Variants in NKAIN2 observed in about 807,000 individuals in gnomAD.
NKAIN2 encodes sodium/potassium transporting ATPase interacting 2, also known as sodium/potassium-transporting ATPase subunit beta-1-interacting protein 2.
NKAIN2 carries 14 observed loss-of-function variants against 32.6 expected under a neutral mutation model. That is an observed-to-expected ratio of 0.43 (90% CI 0.28 to 0.67). The LOEUF (loss-of-function observed/expected upper bound fraction) is 0.67, where lower values mean the gene tolerates loss of function less well. NKAIN2 is among the 30% of genes least tolerant of loss of function. The probability of loss-of-function intolerance (pLI) is 0.17; values close to 1 mark genes in which losing one functional copy is unlikely to be tolerated. For synonymous variants in NKAIN2, 80 were observed against 87.2 expected (o/e 0.92, Z 0.46); for missense variants, 198 against 258.3 (o/e 0.77, Z 1.60).
chr6:124,205,359 T>C (rs1440232048), intron 1 of NKAIN2, among the ~76,000 whole-genome samples: 3 of 80,306 alleles, frequency 3.7e-5, no homozygotes, highest in Non-Finnish European at 9.2e-5. Context: ...TTTTCTTAGG[T>C]GCTAAAAAAA....
chr6:124,411,227 A>T (rs1223058467), intron 3 of NKAIN2, among the ~76,000 whole-genome samples: 3 of 152,078 alleles, frequency 2.0e-5, no homozygotes, highest in Non-Finnish European at 4.4e-5. Flanking sequence ...TGTCATTATG[A>T]TGTTAGCTGG....
At chr6:123,948,222 A>G (rs1035883303) in intron 1 of NKAIN2, among the ~76,000 whole-genome samples, 2 of 152,116 alleles carry the variant, frequency 1.3e-5, no homozygotes, top group African/African-American at 4.8e-5. Flanking sequence ...CAGTGCTGCA[A>G]TAAACATGGG....
intron 3 of NKAIN2, among the ~76,000 whole-genome samples, chr6:124,506,114 G>T (rs1778470319): frequency 6.6e-6 from 1 of 151,824 alleles, no homozygotes; most frequent in African/African-American, 2.4e-5. Context: ...CCGGGAGGAG[G>T]AGCTTGCAGT....
intron 1 of NKAIN2, among the ~76,000 whole-genome samples, chr6:124,014,511 G>C (rs1434609989): frequency 6.6e-6 from 1 of 151,828 alleles, no homozygotes; most frequent in Non-Finnish European, 1.5e-5. Flanking sequence ...AGTGTTTCCA[G>C]TATGTTCTTG....
At chr6:124,413,929 G>A (rs765752356) in intron 3 of NKAIN2, among the ~76,000 whole-genome samples, 14 of 151,888 alleles carry the variant, frequency 9.2e-5, no homozygotes, top group Non-Finnish European at 2.1e-4. Context: ...AGCACTTTTT[G>A]TAGATCTATG....
In NKAIN2 at chr6:124,706,461, T is replaced by A. The variant is rs952407041; in HGVS notation, c.474+48075T>A. ...CTTCTGGCTGAAATATGATTCTATG[T>A]CAGCTGAGACAGTTTCTTGCTCCAT... On this transcript the variant is annotated intron_variant, in intron 4 of 6. Transcript: ENST00000368417. Among the ~76,000 whole-genome samples, 6 of 152,132 alleles carry A rather than the reference T, an allele frequency of 3.9e-5. No homozygotes were observed. In the South Asian group the frequency reaches 1.0e-3, roughly 26 times the overall value.
intron 2 of NKAIN2, among the ~76,000 whole-genome samples, chr6:124,321,352 G>A (rs769026671): frequency 3.9e-5 from 6 of 152,104 alleles, no homozygotes; most frequent in South Asian, 2.1e-4. Flanking sequence ...ATACCATTAG[G>A]AGAAATACCT....
At chr6:124,134,681 C>T (rs141870585) in intron 1 of NKAIN2, among the ~76,000 whole-genome samples, 16 of 152,214 alleles carry the variant, frequency 1.1e-4, no homozygotes, top group African/African-American at 3.9e-4. Context: ...GAGACTCCAT[C>T]TCAAAACAAA....
intron 1 of NKAIN2, among the ~76,000 whole-genome samples, chr6:124,100,354 C>A (rs1784825486): frequency 6.6e-6 from 1 of 152,176 alleles, no homozygotes; most frequent in Non-Finnish European, 1.5e-5. Context: ...TTGGTTTTAT[C>A]ATGTCTGAAG....
chr6:124,675,578 G>C (rs1562318302), intron 4 of NKAIN2, among the ~76,000 whole-genome samples: 1 of 152,008 alleles, frequency 6.6e-6, no homozygotes, highest in Non-Finnish European at 1.5e-5. Context: ...ATTAAGTCTT[G>C]ATAGATTATA....
chr6:124,805,261 T>C (rs9398765), intron 5 of NKAIN2, among the ~76,000 whole-genome samples: 33,192 of 151,904 alleles, frequency 0.22, 4,127 homozygotes, highest in East Asian at 0.59. Flanking sequence ...CAGACTGACA[T>C]CTCACACGGC....
chr6:124,328,457 G>A (rs1341515149), intron 2 of NKAIN2, among the ~76,000 whole-genome samples: 1 of 152,108 alleles, frequency 6.6e-6, no homozygotes, highest in East Asian at 1.9e-4. Flanking sequence ...AAATTCAGGG[G>A]TCTTTCTCTT....
intron 3 of NKAIN2, among the ~76,000 whole-genome samples, chr6:124,593,448 G>A (rs754622663): frequency 6.6e-6 from 1 of 152,058 alleles, no homozygotes; most frequent in African/African-American, 2.4e-5. Flanking sequence ...GGAGAAAGTG[G>A]GCAGTGGAAG....
At chr6:124,270,524 T>G (rs913968490) in intron 1 of NKAIN2, among the ~76,000 whole-genome samples, 1 of 152,164 alleles carries the variant, frequency 6.6e-6, no homozygotes, top group African/African-American at 2.4e-5. Context: ...CAATCGAGTT[T>G]TTTCTAGAGA....
At chr6:124,355,228 A>G in intron 2 of NKAIN2, 39 bp from the exon 3 acceptor site, 1 of 1,342,382 alleles carries the variant, frequency 7.4e-7, no homozygotes, top group Middle Eastern at 1.9e-4. Flanking sequence ...AACTGATTCC[A>G]AATTAATTAT....
chr6:124,819,233 C>T (rs1422336247), intron 6 of NKAIN2: 11 of 322,502 alleles, frequency 3.4e-5, no homozygotes, highest in Non-Finnish European at 4.9e-5. Context: ...TGTTTGTTGT[C>T]GTTGTCCTCC....
intron 5 of NKAIN2, chr6:124,794,824 T>C: frequency 3.3e-6 from 3 of 922,180 alleles, no homozygotes; most frequent in Non-Finnish European, 3.9e-6. Flanking sequence ...TGTAATCACT[T>C]TCCTGATGTT....
intron 1 of NKAIN2, among the ~76,000 whole-genome samples, chr6:124,061,334 T>G (rs879474075): frequency 2.6e-5 from 4 of 152,146 alleles, no homozygotes; most frequent in Non-Finnish European, 5.9e-5. Flanking sequence ...TATTATATAA[T>G]CTTTTTTATT....
chr6:123,867,161 C>T (rs1746855837), intron 1 of NKAIN2, among the ~76,000 whole-genome samples: 1 of 152,182 alleles, frequency 6.6e-6, no homozygotes, highest in Non-Finnish European at 1.5e-5. Flanking sequence ...GATCTCTTGA[C>T]ATTAGGTATC....
Sources: allele counts gnomAD v4.1 joint callset (sites outside exome capture counted in the v4.1 genomes callset), GRCh38; gene constraint gnomAD v4.1.1; transcripts MANE v1.5; gene names NCBI Gene and HGNC (gene_info 2026-07-23, HGNC 2026-07-21).